The following VGLL3 variants were observed in gnomAD, a reference collection of about 807,000 sequenced individuals.
The protein encoded by VGLL3 is vestigial like family member 3.
VGLL3 carries 18 observed loss-of-function variants against 29.2 expected under a neutral mutation model. That is an observed-to-expected ratio of 0.62 (90% CI 0.43 to 0.91). The LOEUF is 0.91. Ranked by LOEUF, VGLL3 falls within the 40% of genes least tolerant of loss-of-function variation. The pLI is 0.00. For synonymous variants in VGLL3, 180 were observed against 151.8 expected (o/e 1.19, Z -1.36); for missense variants, 440 against 413.2 (o/e 1.06, Z -0.56).
At chr3:86,978,999 A>C (rs1705270482) in intron 1 of VGLL3, among the ~76,000 whole-genome samples, 197 bp from the exon 2 acceptor site, 2 of 152,198 alleles carry the variant, frequency 1.3e-5, no homozygotes, top group South Asian at 4.1e-4. Flanking sequence ...AATACAACAA[A>C]AACTCTGTGA....
chr3:86,990,843 G>T lies in VGLL3; in HGVS notation c.-100C>A. On this transcript the variant is annotated 5_prime_UTR_variant, in exon 1 of 4. Coordinates refer to ENST00000398399, the MANE Select transcript of VGLL3 (RefSeq NM_016206.4). ...CGCCGCCGCAGCTGCCGCCTCTGTC[G>T]CTGCTCCAGCTGCTACTGCGGCGAA... 1 of 1,171,776 alleles carries T rather than the reference G, an allele frequency of 8.5e-7. No homozygotes were observed. Among genetic ancestry groups the T allele is most frequent in the Non-Finnish European group, 1.1e-6 (1 of 941,966 alleles). The allele number at this position is 1,171,776 out of a possible 1,614,324, so 72.6% of individuals were successfully genotyped here. A position where few individuals can be genotyped will look rare whatever the true frequency, so the allele number is the denominator to read the frequency against.
At chr3:86,983,615 G>C (rs1423407839) in intron 1 of VGLL3, among the ~76,000 whole-genome samples, 2 of 152,090 alleles carry the variant, frequency 1.3e-5, no homozygotes, top group Non-Finnish European at 2.9e-5. Flanking sequence ...CCAACTCCCG[G>C]CCTTAAGTGA....
rs1296348151 is a variant in VGLL3 at position 86,950,482 on chromosome 3, A to G, written c.938-3415T>C. On this transcript the variant is annotated intron_variant, in intron 3 of 3. Coordinates refer to ENST00000398399, the MANE Select transcript of VGLL3 (RefSeq NM_016206.4). Reference sequence around the variant, plus strand: ...GTCAGAGTCAATGGTCTTAACCACAATATACGTGTTCACATTATATGAGTT... The same window carrying G: ...GTCAGAGTCAATGGTCTTAACCACAGTATACGTGTTCACATTATATGAGTT... Among the ~76,000 whole-genome samples, 4 of 152,328 alleles carry G rather than the reference A, an allele frequency of 2.6e-5. No individual in the cohort carries two copies. The South Asian group carries it at 8.3e-4, about 32-fold the overall frequency.
intron 3 of VGLL3, among the ~76,000 whole-genome samples, chr3:86,951,118 C>T (rs983523458): frequency 1.3e-5 from 2 of 151,896 alleles, no homozygotes; most frequent in Admixed American, 6.6e-5. Context: ...AACAACAAAA[C>T]AGAAAAACAA....
intron 2 of VGLL3, among the ~76,000 whole-genome samples, chr3:86,975,368 A>C (rs1394080799): frequency 6.6e-6 from 1 of 152,202 alleles, no homozygotes; most frequent in East Asian, 1.9e-4. Context: ...CAAGTTTTAT[A>C]TATTTATCTA....
Position 86,945,333 on chromosome 3 carries a change from T to C in VGLL3, c.*1691A>G, listed in dbSNP as rs1704485254. On this transcript the variant is annotated 3_prime_UTR_variant, in exon 4 of 4. Transcript: ENST00000398399. ...CTCTGCCTAGCTGAACATGTCATGT[T>C]CATGTCTAAAAAGTTCGCATATATG... 1 of 152,202 alleles carries C rather than the reference T, an allele frequency of 6.6e-6. No individual in the cohort carries two copies. The highest frequency in any genetic ancestry group is 1.5e-5 in the Non-Finnish European group (1 of 68,018). 9.4% of individuals were successfully genotyped at this position (152,202 alleles called of 1,614,324 possible). A position where few individuals can be genotyped will look rare whatever the true frequency, so the allele number is the denominator to read the frequency against.
intron 3 of VGLL3, among the ~76,000 whole-genome samples, chr3:86,955,225 G>A (rs72916059): frequency 0.08 from 12,200 of 152,094 alleles, 1,284 homozygotes; most frequent in African/African-American, 0.24. Context: ...AGAAACTGCT[G>A]AAATATACTT....
intron 3 of VGLL3, among the ~76,000 whole-genome samples, chr3:86,958,653 G>C (rs1463229869): frequency 1.3e-5 from 2 of 152,198 alleles, no homozygotes; most frequent in Admixed American, 6.5e-5. Context: ...ATCCAGGCTT[G>C]AATACTTGAA....
rs771931924 is a variant in VGLL3, at chr3:86,947,034, G to A, written c.971C>T (p.Pro324Leu). Residue 324 changes from proline (P) to leucine (L), a missense_variant, in exon 4 of 4, where the codon CCG becomes CTG. Physicochemically the swap from Pro to Leu is moderately conservative, Grantham distance 98. Transcript: ENST00000398399. ...LQHQDKSKES[P>L]WY ...CTAAGATTGTGTGTTTCAGTACCAC[G>A]GTGATTCCTTACTCTTGTCTTGATG... The A allele has an allele frequency of 1.4e-5, 11 of 780,318 alleles. No individual in the cohort carries two copies. The highest frequency in any genetic ancestry group is 4.5e-4 in the Middle Eastern group (2 of 4,464). The allele number at this position is 780,318 out of a possible 1,614,324, so 48.3% of individuals were successfully genotyped here.
In VGLL3 at chr3:86,938,086, T is replaced by C. The variant is rs1332171410; in HGVS notation, c.*8938A>G. Reference sequence around the variant, plus strand: ...TAGTCCTGAAGTTATCAAAGTATGATTTTTCTTTATTTCTGTTGACTCTAA... The same window carrying C: ...TAGTCCTGAAGTTATCAAAGTATGACTTTTCTTTATTTCTGTTGACTCTAA... On this transcript the variant is annotated 3_prime_UTR_variant, in exon 4 of 4. Transcript: ENST00000398399. 3 of 152,220 alleles carry C rather than the reference T, an allele frequency of 2.0e-5. No individual in the cohort carries two copies. The East Asian group carries it at 5.8e-4, about 29-fold the overall frequency. 9.4% of individuals were successfully genotyped at this position (152,220 alleles called of 1,614,324 possible).
In VGLL3 at chr3:86,968,783, G is replaced by T. The variant is rs758524755; in HGVS notation, c.744C>A (p.His248Gln). The T allele has an allele frequency of 1.2e-6, 2 of 1,614,204 alleles. No individual in the cohort carries two copies. The highest frequency in any genetic ancestry group is 1.1e-5 in the South Asian group (1 of 91,084). The change falls in exon 3 of 4, where the codon CAC becomes CAA. Residue 248 changes from histidine to glutamine, a missense_variant. By Grantham distance (24) the His-to-Gln change is conservative. Transcript: ENST00000398399. ...HRHRHHHHHH[H>Q]PPAGSALDPS... ...GATCCAGGGCAGAGCCAGCAGGAGG[G>T]TGGTGATGGTGATGATGGTGGCGGT...
Position 86,990,805 on chromosome 3 carries a change from G to T in VGLL3, c.-62C>A, listed in dbSNP as rs937892157. The T allele has an allele frequency of 3.3e-6, 4 of 1,224,408 alleles. No individual in the cohort carries two copies. Among genetic ancestry groups the T allele is most frequent in the Non-Finnish European group, 4.1e-6 (4 of 976,680 alleles). The allele number at this position is 1,224,408 out of a possible 1,614,324, so 75.8% of individuals were successfully genotyped here. A position where few individuals can be genotyped will look rare whatever the true frequency, so the allele number is the denominator to read the frequency against. On this transcript the variant is annotated 5_prime_UTR_variant, in exon 1 of 4. Coordinates refer to ENST00000398399, the MANE Select transcript of VGLL3 (RefSeq NM_016206.4). ...GCCGCTCTACGCGCTGGCGCGAGGGGCGCGGGCGCCGCCGCCGCCGCAGCT... is the reference window on the plus strand; with the variant it reads ...GCCGCTCTACGCGCTGGCGCGAGGGTCGCGGGCGCCGCCGCCGCCGCAGCT...
rs772410543 is a variant in VGLL3, at chr3:86,946,713, G to A, written c.*311C>T. The A allele has an allele frequency of 3.0e-5, 7 of 231,992 alleles. No individual in the cohort carries two copies. Among genetic ancestry groups the A allele is most frequent in the Non-Finnish European group, 5.0e-5 (6 of 120,616 alleles). The allele number at this position is 231,992 out of a possible 1,614,324, so 14.4% of individuals were successfully genotyped here. A position where few individuals can be genotyped will look rare whatever the true frequency, so the allele number is the denominator to read the frequency against. ...TTCATCCTTTCCTGACAAGGTGGTT[G>A]GCTAAAAAAAAAAATCAAAATGAAA... On this transcript the variant is annotated 3_prime_UTR_variant, in exon 4 of 4. Coordinates refer to ENST00000398399, the MANE Select transcript of VGLL3 (RefSeq NM_016206.4).
intron 1 of VGLL3, among the ~76,000 whole-genome samples, chr3:86,989,004 C>T (rs2043663): frequency 0.71 from 107,743 of 151,972 alleles, 38,429 homozygotes; most frequent in South Asian, 0.74. Context: ...ATATAAAGTA[C>T]TGGAGTCATT....
chr3:86,948,819 G>A (rs1287783190), intron 3 of VGLL3, among the ~76,000 whole-genome samples: 1 of 151,638 alleles, frequency 6.6e-6, no homozygotes, highest in African/African-American at 2.4e-5. Flanking sequence ...ATGAGAGGGA[G>A]AAAAAAAATA....
rs1704314636 is a variant in VGLL3, at chr3:86,938,127, T to C, written c.*8897A>G. ...TTGACTCTAATCTTTGACTTAACGA[T>C]ATTTTCCCAGACTTACTGAGTTATA... On this transcript the variant is annotated 3_prime_UTR_variant, in exon 4 of 4. Transcript: ENST00000398399. 6.6e-6 allele frequency: 1 copy of C among 152,242 alleles called. No homozygotes were observed. The highest frequency in any genetic ancestry group is 2.4e-5 in the African/African-American group (1 of 41,464). The allele number at this position is 152,242 out of a possible 1,614,324, so 9.4% of individuals were successfully genotyped here.
chr3:86,949,153 C>T (rs1214082254), intron 3 of VGLL3, among the ~76,000 whole-genome samples: 1 of 152,132 alleles, frequency 6.6e-6, no homozygotes, highest in African/African-American at 2.4e-5. Flanking sequence ...TTCTTATTTG[C>T]TTTGCAAAGA....
chr3:86,952,602 G>A (rs1457574612), intron 3 of VGLL3, among the ~76,000 whole-genome samples: 2 of 152,160 alleles, frequency 1.3e-5, no homozygotes, highest in East Asian at 3.8e-4. Context: ...GTATGGGTAA[G>A]TGTAAACTTT....
intron 3 of VGLL3, among the ~76,000 whole-genome samples, chr3:86,966,787 ATATATATATATATATATATATAT>A (rs1268538960): frequency 1.1e-5 from 1 of 91,560 alleles, no homozygotes; most frequent in Non-Finnish European, 2.2e-5. Context: ...ATATATATAT[ATATATATATATATATATATATAT>A]ATATATATAT....
Sources: allele counts gnomAD v4.1 joint callset (sites outside exome capture counted in the v4.1 genomes callset), GRCh38; gene constraint gnomAD v4.1.1; transcripts MANE v1.5; gene names NCBI Gene and HGNC (gene_info 2026-07-23, HGNC 2026-07-21).